PPCDC: variants seen among roughly 807,000 people sequenced by gnomAD.
PPCDC encodes phosphopantothenoylcysteine decarboxylase.
Under a neutral mutation model 20.7 loss-of-function variants are expected in PPCDC, and 20 were observed. The ratio of observed to expected loss-of-function variants is 0.97; its 90% CI spans 0.68 to 1.41. The LOEUF is 1.41. PPCDC is among the 40% of genes most tolerant of loss of function. PPCDC has a pLI of 0.00. For missense variants in PPCDC, 246 were observed against 263.8 expected (o/e 0.93, Z 0.47); for synonymous variants, 88 against 100.3 (o/e 0.88, Z 0.73).
chr15:75,034,691 A>G (rs778934908), intron 2 of PPCDC, among the ~76,000 whole-genome samples: 1 of 152,158 alleles, frequency 6.6e-6, no homozygotes, highest in African/African-American at 2.4e-5. Flanking sequence ...TGGTAGACCC[A>G]ATGTCAGAGT....
Position 75,043,424 on chromosome 15 carries a change from C to T in PPCDC, c.136-17C>T, listed in dbSNP as rs765604693. On this transcript the variant is annotated splice_polypyrimidine_tract_variant and intron_variant, in intron 2 of 5. Coordinates refer to ENST00000342932, the MANE Select transcript of PPCDC (RefSeq NM_021823.5). ...TTTCTTCCTCCCTCCCCGCCACCCC[C>T]TTCTTCTTGGTGACAGCTGGAAGTA... 2 of 1,602,752 alleles carry T rather than the reference C, an allele frequency of 1.2e-6. No individual in the cohort carries two copies. The highest frequency in any genetic ancestry group is 1.7e-6 in the Non-Finnish European group (2 of 1,173,118).
At chr15:75,045,510 CAG>C (rs2066220483) in intron 4 of PPCDC, among the ~76,000 whole-genome samples, 1 of 152,130 alleles carries the variant, frequency 6.6e-6, no homozygotes, top group Non-Finnish European at 1.5e-5. Flanking sequence ...GGGAGTTTTT[CAG>C]AGTTTCATGT....
At chr15:75,034,290 G>T (rs750000807) in intron 2 of PPCDC, among the ~76,000 whole-genome samples, 12 of 152,262 alleles carry the variant, frequency 7.9e-5, no homozygotes, top group East Asian at 1.9e-4. Flanking sequence ...AATGCTTGAG[G>T]ATGGTGGAAT....
chr15:75,038,790 CTT>C (rs1236729519), intron 2 of PPCDC, among the ~76,000 whole-genome samples: 1 of 151,876 alleles, frequency 6.6e-6, no homozygotes, highest in East Asian at 1.9e-4. Flanking sequence ...CTCTGGAACT[CTT>C]TAATCGTCAG....
intron 1 of PPCDC, among the ~76,000 whole-genome samples, chr15:75,026,503 C>T (rs1167950250): frequency 6.6e-6 from 1 of 152,210 alleles, no homozygotes; most frequent in Non-Finnish European, 1.5e-5. Context: ...TGTGCTTAAC[C>T]CCTGCTGAGA....
intron 1 of PPCDC, among the ~76,000 whole-genome samples, chr15:75,025,713 G>A (rs551301870): frequency 1.3e-5 from 2 of 152,156 alleles, no homozygotes; most frequent in African/African-American, 2.4e-5. Context: ...AGAGCCCGGG[G>A]AAGTCAGGTA....
At chr15:75,028,597 G>A in intron 2 of PPCDC, 144 bp downstream of exon 2, 1 of 1,217,422 alleles carries the variant, frequency 8.2e-7, no homozygotes, top group Non-Finnish European at 1.2e-6. Flanking sequence ...TGTGTGTGGT[G>A]CTCTGTGGAG....
At chr15:75,037,529 C>A (rs969595667) in intron 2 of PPCDC, among the ~76,000 whole-genome samples, 1 of 151,920 alleles carries the variant, frequency 6.6e-6, no homozygotes, top group East Asian at 1.9e-4. Context: ...TGTGGATTGC[C>A]CTAGCTCAGG....
rs1489348861 is a variant in PPCDC, at chr15:75,028,290, T to C, written c.-29T>C. 15 of 1,610,932 alleles carry C rather than the reference T, an allele frequency of 9.3e-6. No homozygotes were observed. Among genetic ancestry groups the C allele is most frequent in the Admixed American group, 3.4e-5 (2 of 58,612 alleles). On this transcript the variant is annotated 5_prime_UTR_variant, in exon 2 of 6. Coordinates refer to ENST00000342932, the MANE Select transcript of PPCDC (RefSeq NM_021823.5). ...TTTATAGAGCCCAGGCCTGGCAGGC[T>C]CCCAGAACTTGAAGCCACCAGACCC...
At chr15:75,033,531 GTTTGT>G (rs1172368011) in intron 2 of PPCDC, among the ~76,000 whole-genome samples, 1 of 149,808 alleles carries the variant, frequency 6.7e-6, no homozygotes, top group Non-Finnish European at 1.5e-5. Flanking sequence ...TTGTTTGTTT[GTTTGT>G]TTTAAGTCAG....
Position 75,028,333 on chromosome 15 carries a change from C to T in PPCDC, c.15C>T (p.Ala5=), listed in dbSNP as rs2065981419. 2.5e-6 allele frequency: 4 copies of T among 1,614,186 alleles called. No individual in the cohort carries two copies. The highest frequency in any genetic ancestry group is 2.2e-5 in the East Asian group (1 of 44,888). Reference sequence around the variant, plus strand: ...CCAGACCCCACATGGAACCAAAGGCCTCCTGTCCAGCTGCTGCACCCTTGA... The same window carrying T: ...CCAGACCCCACATGGAACCAAAGGCTTCCTGTCCAGCTGCTGCACCCTTGA... The part of the protein sequence containing the change: MEPK[A]SCPAAAPLME... Residue 5 remains alanine (A), a synonymous_variant, in exon 2 of 6, where the codon GCC becomes GCT. Coordinates refer to ENST00000342932, the MANE Select transcript of PPCDC (RefSeq NM_021823.5).
chr15:75,023,675 G>A (rs997534959), intron 1 of PPCDC, 49 bp downstream of exon 1: 3 of 152,434 alleles, frequency 2.0e-5, no homozygotes, highest in Non-Finnish European at 2.9e-5. Flanking sequence ...GGCGGCGCGG[G>A]AGGGGAGGTT....
chr15:75,031,256 C>T (rs540927984), intron 2 of PPCDC, among the ~76,000 whole-genome samples: 8 of 152,130 alleles, frequency 5.3e-5, no homozygotes, highest in Middle Eastern at 3.4e-3. Context: ...TTCAGGATGC[C>T]GGGGGTTTTG....
In PPCDC at chr15:75,044,284, C is replaced by T. The variant is rs1158145348; in HGVS notation, c.232-102C>T. On this transcript the variant is annotated intron_variant, in intron 3 of 5. Transcript: ENST00000342932. ...GGAACGGAGGTTGGCCTGGGCAGGGCAGGTCAGTGGGTTCCTCAGTCTCCT... is the reference window on the plus strand; with the variant it reads ...GGAACGGAGGTTGGCCTGGGCAGGGTAGGTCAGTGGGTTCCTCAGTCTCCT... The T allele has an allele frequency of 1.1e-4, 166 of 1,516,400 alleles. 1 individual carries two copies. Among genetic ancestry groups the T allele is most frequent in the Non-Finnish European group, 2.7e-6 (3 of 1,110,474 alleles). The allele number at this position is 1,516,400 out of a possible 1,614,324, so 93.9% of individuals were successfully genotyped here. A position where few individuals can be genotyped will look rare whatever the true frequency, so the allele number is the denominator to read the frequency against.
Position 75,028,341 on chromosome 15 carries a change from C to T in PPCDC, c.23C>T (p.Pro8Leu), listed in dbSNP as rs1390616324. 3 of 1,614,188 alleles carry T rather than the reference C, an allele frequency of 1.9e-6. No individual in the cohort carries two copies. Among genetic ancestry groups the T allele is most frequent in the African/African-American group, 2.7e-5 (2 of 75,038 alleles). Residue 8 changes from proline to leucine, a missense_variant, in exon 2 of 6, where the codon CCA becomes CTA. Physicochemically the swap from Pro to Leu is moderately conservative, Grantham distance 98. This residue lies in a region of PPCDC where 225 missense variants were observed against 222.6 expected (regional missense o/e 1.01). Coordinates refer to ENST00000342932, the MANE Select transcript of PPCDC (RefSeq NM_021823.5). ...CACATGGAACCAAAGGCCTCCTGTC[C>T]AGCTGCTGCACCCTTGATGGAGAGA... is the stretch of plus-strand genomic sequence containing the variant. MEPKASC[P>L]AAAPLMERKF... is the part of the protein sequence containing the mutation.
intron 3 of PPCDC, among the ~76,000 whole-genome samples, chr15:75,044,056 G>A (rs1274976657): frequency 1.1e-5 from 1 of 91,728 alleles, no homozygotes; most frequent in South Asian, 3.5e-4. Flanking sequence ...ATTTCTCACT[G>A]CCCCGGAGCT....
At chr15:75,039,566 A>C (rs945710212) in intron 2 of PPCDC, among the ~76,000 whole-genome samples, 3 of 152,102 alleles carry the variant, frequency 2.0e-5, no homozygotes, top group African/African-American at 7.2e-5. Flanking sequence ...TGTGGTACTC[A>C]CTGCCTCAAG....
At chr15:75,037,439 A>G (rs2066098977) in intron 2 of PPCDC, among the ~76,000 whole-genome samples, 1 of 152,208 alleles carries the variant, frequency 6.6e-6, no homozygotes, top group Non-Finnish European at 1.5e-5. Context: ...TGGTAACATT[A>G]GCAGAGGATA....
At chr15:75,034,787 A>G (rs1158147558) in intron 2 of PPCDC, among the ~76,000 whole-genome samples, 1 of 152,068 alleles carries the variant, frequency 6.6e-6, no homozygotes, top group Non-Finnish European at 1.5e-5. Flanking sequence ...CGGGGCTACC[A>G]CTTCCTCTTT....
Sources: gnomAD v4.1 joint callset for allele counts (sites outside exome capture counted in the v4.1 genomes callset) on GRCh38, gnomAD v4.1.1 for gene constraint, gnomAD v4.1.1 regional missense constraint, MANE v1.5 for transcripts, NCBI Gene and HGNC (gene_info 2026-07-23, HGNC 2026-07-21) for gene names.